VAMP7: variants seen among roughly 807,000 people sequenced by gnomAD.
VAMP7 encodes the protein vesicle associated membrane protein 7.
A neutral mutation model predicts 29.6 loss-of-function variants in VAMP7; 14 were observed. The ratio of observed to expected loss-of-function variants is 0.47; its 90% CI spans 0.31 to 0.74. The LOEUF (loss-of-function observed/expected upper bound fraction) is 0.74, where lower values mean the gene tolerates loss of function less well. VAMP7 is among the 30% of genes least tolerant of loss of function. The pLI, the probability that VAMP7 is intolerant of heterozygous loss-of-function variation, is 0.05. For synonymous variants in VAMP7, 95 were observed against 88.1 expected (o/e 1.08, Z -0.44); for missense variants, 223 against 262.4 (o/e 0.85, Z 1.04).
At chrX:155,889,388 G>A in intron 1 of VAMP7, 70 bp from the exon 2 acceptor site, 2 of 1,557,958 alleles carry the variant, frequency 1.3e-6, no homozygotes, top group Non-Finnish European at 1.7e-6. Context: ...GTTGATAAAT[G>A]ATAGTAAGTT....
At chrX:155,916,905 C>T (rs1174716720) in intron 5 of VAMP7, among the ~76,000 whole-genome samples, 1 of 152,134 alleles carries the variant, frequency 6.6e-6, no homozygotes, top group African/African-American at 2.4e-5. Context: ...GTTGACCTAT[C>T]TTGCTAGGTT....
At chrX:155,941,480 A>AG (rs1336955649) in intron 7 of VAMP7, among the ~76,000 whole-genome samples, 20 of 152,168 alleles carry the variant, frequency 1.3e-4, no homozygotes, top group Admixed American at 1.3e-4. Flanking sequence ...TTAATCAAAA[A>AG]TAAAATTCAT....
intron 5 of VAMP7, among the ~76,000 whole-genome samples, chrX:155,902,755 G>T (rs1355471626): frequency 6.6e-6 from 1 of 150,564 alleles, no homozygotes; most frequent in African/African-American, 2.4e-5. Context: ...TTGATGTGCT[G>T]CTGGATTCGG....
chrX:155,889,986 G>A (rs1002240526), intron 2 of VAMP7, among the ~76,000 whole-genome samples: 119 of 152,080 alleles, frequency 7.8e-4, no homozygotes, highest in African/African-American at 2.7e-3. Context: ...CTTGGTGCTG[G>A]GGATATAACA....
intron 6 of VAMP7, among the ~76,000 whole-genome samples, chrX:155,928,727 A>G (rs2066506069): frequency 6.6e-6 from 1 of 152,222 alleles, no homozygotes; most frequent in Non-Finnish European, 1.5e-5. Flanking sequence ...CATAGGGATT[A>G]GGACACAGGC....
chrX:155,919,352 C>T (rs2066361016), intron 5 of VAMP7, among the ~76,000 whole-genome samples: 1 of 152,006 alleles, frequency 6.6e-6, no homozygotes, highest in Non-Finnish European at 1.5e-5. Context: ...TGGGATTTAT[C>T]CATTTCTTCT....
At chrX:155,890,310 A>G (rs2065912200) in intron 2 of VAMP7, among the ~76,000 whole-genome samples, 2 of 152,132 alleles carry the variant, frequency 1.3e-5, no homozygotes, top group Non-Finnish European at 2.9e-5. Flanking sequence ...GTGGAAAGGC[A>G]TTGAAGGTTT....
At chrX:155,887,937 C>CAAA (rs771113450) in intron 1 of VAMP7, among the ~76,000 whole-genome samples, 2 of 98,652 alleles carry the variant, frequency 2.0e-5, no homozygotes, top group Non-Finnish European at 3.9e-5. Context: ...GACCCTGTCT[C>CAAA]AAAAAAAAAA....
chrX:155,928,694 G>A (rs1210056799), intron 6 of VAMP7, among the ~76,000 whole-genome samples: 3 of 152,146 alleles, frequency 2.0e-5, no homozygotes, highest in African/African-American at 7.2e-5. Flanking sequence ...CCCTTTTCCA[G>A]ATAATATCAC....
chrX:155,929,181 C>T (rs1469853756), intron 6 of VAMP7, among the ~76,000 whole-genome samples: 1 of 152,110 alleles, frequency 6.6e-6, no homozygotes, highest in Non-Finnish European at 1.5e-5. Flanking sequence ...ACAGTTTACA[C>T]GTTTTTTATT....
intron 5 of VAMP7, among the ~76,000 whole-genome samples, chrX:155,917,862 G>A (rs1013797091): frequency 2.6e-5 from 4 of 152,230 alleles, no homozygotes; most frequent in Non-Finnish European, 4.4e-5. Flanking sequence ...GCTCTCTTCC[G>A]AACTGGCAGG....
chrX:155,941,863 T>C lies in VAMP7; in HGVS notation c.595-20T>C. ...TATGATTGATTCAAGAAAATAAAAT[T>C]GCTCTCCTCGTCCCTCCAGGTGTTC... On this transcript the variant is annotated intron_variant, in intron 7 of 7. Coordinates refer to ENST00000286448, the MANE Select transcript of VAMP7 (RefSeq NM_005638.6). 6.2e-7 allele frequency: 1 copy of C among 1,608,936 alleles called. No individual in the cohort carries two copies. Among genetic ancestry groups the C allele is most frequent in the Non-Finnish European group, 8.5e-7 (1 of 1,177,826 alleles).
At chrX:155,932,138 G>C (rs1209130094) in intron 6 of VAMP7, among the ~76,000 whole-genome samples, 1 of 152,178 alleles carries the variant, frequency 6.6e-6, no homozygotes, top group Non-Finnish European at 1.5e-5. Context: ...AAGTCAGGTA[G>C]CATGATGCCT....
intron 6 of VAMP7, among the ~76,000 whole-genome samples, chrX:155,920,791 T>C (rs1026963568): frequency 3.9e-5 from 6 of 152,202 alleles, no homozygotes; most frequent in African/African-American, 1.4e-4. Context: ...AACACAGTAT[T>C]TGATACATAG....
In VAMP7 at chrX:155,898,146, A is replaced by G. The variant is rs749093806; in HGVS notation, c.239A>G (p.Asn80Ser). The change falls in exon 4 of 8, where the codon AAT (asparagine) becomes AGT (serine). Residue 80 changes from asparagine (N) to serine (S), a missense_variant. Coordinates refer to ENST00000286448, the MANE Select transcript of VAMP7 (RefSeq NM_005638.6). ...FERSRAFNFL[N>S]EIKKRFQTTY... The stretch of plus-strand genomic sequence containing the variant: ...CGTTCCCGAGCCTTTAATTTTCTGA[A>G]TGAGATAAAGAAGAGGTTCCAGACT... 2 of 1,613,478 alleles carry G rather than the reference A, an allele frequency of 1.2e-6. No individual in the cohort carries two copies. Among genetic ancestry groups the G allele is most frequent in the South Asian group, 2.2e-5 (2 of 91,022 alleles).
intron 4 of VAMP7, among the ~76,000 whole-genome samples, 164 bp from the exon 5 acceptor site, chrX:155,900,333 C>A (rs902105792): frequency 6.6e-6 from 1 of 151,386 alleles, no homozygotes. Flanking sequence ...CATATTTTTT[C>A]CTGGGTATTG....
intron 6 of VAMP7, among the ~76,000 whole-genome samples, chrX:155,925,530 G>A (rs1009107134): frequency 2.0e-5 from 3 of 152,160 alleles, no homozygotes; most frequent in African/African-American, 7.2e-5. Context: ...ATGTGCCCAA[G>A]GTGGTCAAAG....
At chrX:155,881,905 C>T (rs1341995217) in intron 1 of VAMP7, among the ~76,000 whole-genome samples, 2 of 152,130 alleles carry the variant, frequency 1.3e-5, no homozygotes, top group Non-Finnish European at 2.9e-5. Flanking sequence ...TTGACAGTCC[C>T]CTTCTTCCTC....
intron 6 of VAMP7, 89 bp downstream of exon 6, chrX:155,919,969 C>A: frequency 2.8e-6 from 3 of 1,079,782 alleles, no homozygotes; most frequent in South Asian, 2.8e-5. Flanking sequence ...ACCTTAAATT[C>A]AAATATTTGG....
Sources: allele counts gnomAD v4.1 joint callset (sites outside exome capture counted in the v4.1 genomes callset), GRCh38; gene constraint gnomAD v4.1.1; transcripts MANE v1.5; gene names NCBI Gene and HGNC (gene_info 2026-07-23, HGNC 2026-07-21).